DNASE1L2: variants seen among roughly 807,000 people sequenced by gnomAD.
DNASE1L2 encodes deoxyribonuclease 1 like 2.
A neutral mutation model predicts 31.8 loss-of-function variants in DNASE1L2; 35 were observed. That is an observed-to-expected ratio of 1.10 (90% CI 0.84 to 1.46). DNASE1L2 has a LOEUF of 1.46. DNASE1L2 is among the 40% of genes most tolerant of loss of function. The probability of loss-of-function intolerance (pLI) is 0.00; values close to 1 mark genes in which losing one functional copy is unlikely to be tolerated. For synonymous variants in DNASE1L2, 211 were observed against 186.5 expected (o/e 1.13, Z -1.07); for missense variants, 504 against 418.8 (o/e 1.20, Z -1.77).
rs1341584024 is a variant in DNASE1L2, at chr16:2,237,265, G to T, written c.281G>T (p.Arg94Leu). ...YSFVSSQPLG[R>L]DQYKEMYLFV... is the part of the protein sequence containing the mutation. The stretch of plus-strand genomic sequence containing the variant: ...TTTGTGAGCAGCCAGCCCCTGGGCC[G>T]GGACCAGTACAAGGAGATGTACCTG... Residue 94 changes from arginine to leucine, a missense_variant, in exon 4 of 7, where the codon CGG (arginine) becomes CTG (leucine). Coordinates refer to ENST00000320700, the MANE Select transcript of DNASE1L2 (RefSeq NM_001374.3). The T allele has an allele frequency of 2.5e-6, 4 of 1,588,592 alleles. No homozygotes were observed. Among genetic ancestry groups the T allele is most frequent in the African/African-American group, 2.7e-5 (2 of 74,606 alleles).
In DNASE1L2 at chr16:2,237,827, G is replaced by A. The variant is rs755567133; in HGVS notation, c.652G>A (p.Ala218Thr). 2.5e-6 allele frequency: 4 copies of A among 1,611,892 alleles called. No individual in the cohort carries two copies. Among genetic ancestry groups the A allele is most frequent in the Non-Finnish European group, 1.7e-6 (2 of 1,179,544 alleles). Reference protein sequence around the residue: ...DCSYVRAQDWAAIRLRSSEVF... With the variant: ...DCSYVRAQDWTAIRLRSSEVF... The stretch of plus-strand genomic sequence containing the variant: ...CAGCTATGTGCGGGCGCAGGACTGG[G>A]CCGCCATCCGTCTGAGGAGCAGTGA... Residue 218 changes from alanine (A) to threonine (T), a missense_variant, in exon 6 of 7, where the codon GCC (alanine) becomes ACC (threonine). By Grantham distance (58) the Ala-to-Thr change is moderately conservative (BLOSUM62 0). Coordinates refer to ENST00000320700, the MANE Select transcript of DNASE1L2 (RefSeq NM_001374.3).
chr16:2,238,342 G>A lies in DNASE1L2; in HGVS notation c.844-20G>A. 6.2e-7 allele frequency: 1 copy of A among 1,613,086 alleles called. No individual in the cohort carries two copies. The highest frequency in any genetic ancestry group is 1.1e-5 in the South Asian group (1 of 91,080). On this transcript the variant is annotated intron_variant, in intron 6 of 6. Coordinates refer to ENST00000320700, the MANE Select transcript of DNASE1L2 (RefSeq NM_001374.3). ...TGGGTGGGGTGCACTTTTCCCCTGA[G>A]GCTCACTCTGTCCCCACAGGCTCTT...
chr16:2,237,749 G>C lies in DNASE1L2; in HGVS notation c.592-18G>C. The C allele has an allele frequency of 6.3e-7, 1 of 1,599,052 alleles. No individual in the cohort carries two copies. The highest frequency in any genetic ancestry group is 8.5e-7 in the Non-Finnish European group (1 of 1,172,938). ...CGGCTCCTGCGGCGGCTCAGACACGGCTCCGCGGCGCCCGCAGGACATGCT... is the reference window on the plus strand; with the variant it reads ...CGGCTCCTGCGGCGGCTCAGACACGCCTCCGCGGCGCCCGCAGGACATGCT... On this transcript the variant is annotated intron_variant, in intron 5 of 6. Coordinates refer to ENST00000320700, the MANE Select transcript of DNASE1L2 (RefSeq NM_001374.3).
rs1002690317 is a variant in DNASE1L2, at chr16:2,238,696, C to T, written c.*278C>T. On this transcript the variant is annotated 3_prime_UTR_variant, in exon 7 of 7. Transcript: ENST00000320700. The stretch of plus-strand genomic sequence containing the variant: ...TGTCTGCTCAATAAATGAGCTGCTC[C>T]CGGTCGGGCCCCACAGCTTGGCTCC... The T allele has an allele frequency of 1.4e-5, 7 of 489,862 alleles. No individual in the cohort carries two copies. Among genetic ancestry groups the T allele is most frequent in the African/African-American group, 9.7e-5 (5 of 51,548 alleles). The allele number at this position is 489,862 out of a possible 1,614,324, so 30.3% of individuals were successfully genotyped here. A position where few individuals can be genotyped will look rare whatever the true frequency, so the allele number is the denominator to read the frequency against.
In DNASE1L2 at chr16:2,237,952, G is replaced by T. The variant is rs1423355994; in HGVS notation, c.777G>T (p.Arg259=). 1 of 1,610,558 alleles carries T rather than the reference G, an allele frequency of 6.2e-7. No individual in the cohort carries two copies. The highest frequency in any genetic ancestry group is 1.7e-5 in the Admixed American group (1 of 59,848). ...RIVACGARLR[R]SLKPQSATVH... ...TGGCCTGTGGCGCCCGCCTGCGCCGGAGCCTGAAGCCCCAGTCGGCCACCG... is the reference window on the plus strand; with the variant it reads ...TGGCCTGTGGCGCCCGCCTGCGCCGTAGCCTGAAGCCCCAGTCGGCCACCG... Residue 259 remains arginine, a synonymous_variant, in exon 6 of 7, where the codon CGG becomes CGT. Coordinates refer to ENST00000320700, the MANE Select transcript of DNASE1L2 (RefSeq NM_001374.3).
At position 2,237,359 on chromosome 16, in the gene DNASE1L2, T is replaced by C. The variant is rs1221106037; in HGVS notation, c.318-17T>C. 1.9e-6 allele frequency: 3 copies of C among 1,599,638 alleles called. 1 individual carries two copies. The South Asian group carries it at 3.4e-5, about 18-fold the overall frequency. Reference sequence around the variant, plus strand: ...GGCCGCAGGTCGGGGGCTCAGCGGGTCCTCCCCATCTCCTAGGAAAGACGC... The same window carrying C: ...GGCCGCAGGTCGGGGGCTCAGCGGGCCCTCCCCATCTCCTAGGAAAGACGC... On this transcript the variant is annotated splice_polypyrimidine_tract_variant and intron_variant, in intron 4 of 6. Coordinates refer to ENST00000320700, the MANE Select transcript of DNASE1L2 (RefSeq NM_001374.3).
In DNASE1L2 at chr16:2,236,801, C is replaced by A; in HGVS notation, c.-16C>A. ...AGGCGGCAGCGTCTGTCCCTCCCAGCCTCTCGCTCCGCGCCATGGGCGGGC... is the reference window on the plus strand; with the variant it reads ...AGGCGGCAGCGTCTGTCCCTCCCAGACTCTCGCTCCGCGCCATGGGCGGGC... On this transcript the variant is annotated 5_prime_UTR_variant, in exon 2 of 7. Coordinates refer to ENST00000320700, the MANE Select transcript of DNASE1L2 (RefSeq NM_001374.3). 1 of 1,586,870 alleles carries A rather than the reference C, an allele frequency of 6.3e-7. No individual in the cohort carries two copies. The highest frequency in any genetic ancestry group is 1.1e-5 in the South Asian group (1 of 88,864).
intron 6 of DNASE1L2, 145 bp downstream of exon 6, chr16:2,238,163 G>C (rs1468258868): frequency 2.8e-6 from 4 of 1,423,422 alleles, no homozygotes; most frequent in Non-Finnish European, 3.7e-6. Context: ...TGGAGAGCCC[G>C]GCCCACCCCA....
Position 2,237,069 on chromosome 16 carries a change from A to G in DNASE1L2, c.176A>G (p.Gln59Arg). Residue 59 changes from glutamine to arginine, a missense_variant, in exon 3 of 7, where the codon CAG becomes CGG. Gln to Arg is a conservative substitution (Grantham distance 43). Transcript: ENST00000320700. ...ILAGYDLALV[Q>R]EVRDPDLSAV... is the part of the protein sequence containing the mutation. ...GCTGGCTATGACCTCGCGCTGGTGC[A>G]GGAGGTGCGAGACCCAGACCTCAGC... 3.2e-6 allele frequency: 5 copies of G among 1,549,520 alleles called. No homozygotes were observed. The South Asian group carries it at 4.8e-5, about 15-fold the overall frequency.
chr16:2,236,714 G>C (rs2093511897), intron 1 of DNASE1L2, 64 bp from the exon 2 acceptor site: 1 of 1,436,698 alleles, frequency 7.0e-7, no homozygotes. Context: ...CGTCGCACTG[G>C]CCGTCAAGGG....
intron 6 of DNASE1L2, 39 bp from the exon 7 acceptor site, chr16:2,238,323 G>A (rs200981452): frequency 1.2e-6 from 2 of 1,612,294 alleles, no homozygotes; most frequent in Non-Finnish European, 1.7e-6. Flanking sequence ...CCTGTGGGTG[G>A]GGTGCACTTT....
chr16:2,236,795 T>C lies in DNASE1L2; in HGVS notation c.-22T>C. 2 of 1,583,202 alleles carry C rather than the reference T, an allele frequency of 1.3e-6. No homozygotes were observed. Among genetic ancestry groups the C allele is most frequent in the Non-Finnish European group, 8.6e-7 (1 of 1,168,872 alleles). ...CTGCGTAGGCGGCAGCGTCTGTCCC[T>C]CCCAGCCTCTCGCTCCGCGCCATGG... is the stretch of plus-strand genomic sequence containing the variant. On this transcript the variant is annotated 5_prime_UTR_variant, in exon 2 of 7. Coordinates refer to ENST00000320700, the MANE Select transcript of DNASE1L2 (RefSeq NM_001374.3).
In DNASE1L2 at chr16:2,237,889, C is replaced by T; in HGVS notation, c.714C>T (p.Thr238=). 6.2e-7 allele frequency: 1 copy of T among 1,612,666 alleles called. No homozygotes were observed. Among genetic ancestry groups the T allele is most frequent in the Non-Finnish European group, 8.5e-7 (1 of 1,179,862 alleles). Reference sequence around the variant, plus strand: ...GGCTCATCCCTGACAGCGCCGACACCACGGTGGGCAACTCAGACTGCGCCT... The same window carrying T: ...GGCTCATCCCTGACAGCGCCGACACTACGGTGGGCAACTCAGACTGCGCCT... The part of the protein sequence containing the change: ...FKWLIPDSAD[T]TVGNSDCAYD... Residue 238 remains threonine, a synonymous_variant, in exon 6 of 7, where the codon ACC becomes ACT. Transcript: ENST00000320700.
intron 3 of DNASE1L2, 38 bp downstream of exon 3, chr16:2,237,164 G>C: frequency 6.5e-7 from 1 of 1,548,820 alleles, no homozygotes; most frequent in African/African-American, 1.4e-5. Flanking sequence ...ACCCCCCGCC[G>C]GGATCTCGCC....
In DNASE1L2 at chr16:2,236,541, C is replaced by T. The variant is rs374371823; in HGVS notation, c.-59C>T. On this transcript the variant is annotated 5_prime_UTR_variant, in exon 1 of 7. Transcript: ENST00000320700. ...CCCCCTAGGATCTCTGAGCCTCGGGCCTCTGCACCCACATCCAAGGTGAGT... is the reference window on the plus strand; with the variant it reads ...CCCCCTAGGATCTCTGAGCCTCGGGTCTCTGCACCCACATCCAAGGTGAGT... 1.6e-6 allele frequency: 2 copies of T among 1,241,414 alleles called. No homozygotes were observed. Among genetic ancestry groups the T allele is most frequent in the Non-Finnish European group, 2.0e-6 (2 of 993,090 alleles). The allele number at this position is 1,241,414 out of a possible 1,614,324, so 76.9% of individuals were successfully genotyped here. A position where few individuals can be genotyped will look rare whatever the true frequency, so the allele number is the denominator to read the frequency against.
At position 2,237,970 on chromosome 16, in the gene DNASE1L2, G is replaced by C. The variant is rs1360817143; in HGVS notation, c.795G>C (p.Ser265=). ...TGCGCCGGAGCCTGAAGCCCCAGTC[G>C]GCCACCGTGCACGACTTCCAGGAGG... ...ARLRRSLKPQ[S]ATVHDFQEEF... Residue 265 remains serine, a synonymous_variant, in exon 6 of 7, where the codon TCG becomes TCC. Transcript: ENST00000320700. 4 of 1,608,598 alleles carry C rather than the reference G, an allele frequency of 2.5e-6. No homozygotes were observed. In the African/African-American group the frequency reaches 4.0e-5, roughly 16 times the overall value.
chr16:2,237,533 G>A lies in DNASE1L2; in HGVS notation c.475G>A (p.Ala159Thr). ...AGCTCTGACGCCCCCACCCCTTCCC[G>A]CAGCAGCACAGAACCTGGTGCTGAT... Reference protein sequence around the residue: ...RRALTPPPLPAAAQNLVLIPL... With the variant: ...RRALTPPPLPTAAQNLVLIPL... The change falls in exon 5 of 7, where the codon GCA becomes ACA. Residue 159 changes from alanine to threonine, a missense_variant. Coordinates refer to ENST00000320700, the MANE Select transcript of DNASE1L2 (RefSeq NM_001374.3). 8.8e-7 allele frequency: 1 copy of A among 1,142,308 alleles called. No individual in the cohort carries two copies. Among genetic ancestry groups the A allele is most frequent in the Non-Finnish European group, 1.2e-6 (1 of 860,192 alleles). 70.8% of individuals were successfully genotyped at this position (1,142,308 alleles called of 1,614,324 possible). A position where few individuals can be genotyped will look rare whatever the true frequency, so the allele number is the denominator to read the frequency against.
rs373562709 is a variant in DNASE1L2 at position 2,237,922 on chromosome 16, C to A, written c.747C>A (p.Arg249=). 1.1e-4 allele frequency: 170 copies of A among 1,611,370 alleles called. No homozygotes were observed. The African/African-American group carries it at 2.1e-3, about 20-fold the overall frequency. ...TVGNSDCAYD[R]IVACGARLRR... ...GCAACTCAGACTGCGCCTACGACCG[C>A]ATTGTGGCCTGTGGCGCCCGCCTGC... The change falls in exon 6 of 7, where the codon CGC becomes CGA. Residue 249 remains arginine (R), a synonymous_variant. Coordinates refer to ENST00000320700, the MANE Select transcript of DNASE1L2 (RefSeq NM_001374.3).
chr16:2,238,264 G>C, intron 6 of DNASE1L2, 98 bp from the exon 7 acceptor site: 1 of 1,522,250 alleles, frequency 6.6e-7, no homozygotes, highest in Non-Finnish European at 9.0e-7. Flanking sequence ...CTGCCCCACC[G>C]CAGGCAGCAG....
Sources: gnomAD v4.1 joint callset for allele counts on GRCh38, gnomAD v4.1.1 for gene constraint, MANE v1.5 for transcripts, NCBI Gene and HGNC (gene_info 2026-07-23, HGNC 2026-07-21) for gene names.